CNTNAP4: variants seen among roughly 807,000 people sequenced by gnomAD.
CNTNAP4 encodes the protein contactin associated protein family member 4.
In CNTNAP4, 98 loss-of-function variants were observed where a neutral mutation model predicts 148.4. That is an observed-to-expected ratio of 0.66 (90% CI 0.56 to 0.78). The LOEUF (loss-of-function observed/expected upper bound fraction) is 0.78. Ranked by LOEUF, CNTNAP4 falls within the 30% of genes least tolerant of loss-of-function variation. The probability of loss-of-function intolerance (pLI) is 0.00; values close to 1 mark genes in which losing one functional copy is unlikely to be tolerated. For synonymous variants in CNTNAP4, 730 were observed against 565.1 expected (o/e 1.29, Z -4.14); for missense variants, 1,935 against 1,565.6 (o/e 1.24, Z -3.98).
At chr16:76,295,592 C>G (rs1352860956) in intron 1 of CNTNAP4, among the ~76,000 whole-genome samples, 2 of 151,966 alleles carry the variant, frequency 1.3e-5, no homozygotes, top group Non-Finnish European at 2.9e-5. Flanking sequence ...AAAACAGAGA[C>G]AGTGACAATG....
intron 3 of CNTNAP4, among the ~76,000 whole-genome samples, chr16:76,376,926 T>TGTGTGTGTGG (rs2015477742): frequency 2.7e-5 from 4 of 147,372 alleles, no homozygotes; most frequent in Admixed American, 2.2e-4. Flanking sequence ...TGTGTGTGTG[T>TGTGTGTGTGG]GTGTGTGTGT....
intron 1 of CNTNAP4, among the ~76,000 whole-genome samples, chr16:76,307,090 T>G (rs534934621): frequency 1.3e-5 from 2 of 152,108 alleles, no homozygotes; most frequent in Non-Finnish European, 2.9e-5. Context: ...AAGTACTTCA[T>G]TGAATAACAC....
At chr16:76,310,688 C>T (rs953357288) in intron 1 of CNTNAP4, among the ~76,000 whole-genome samples, 2 of 152,252 alleles carry the variant, frequency 1.3e-5, no homozygotes, top group Admixed American at 6.5e-5. Flanking sequence ...TTTTATGGGA[C>T]ATACGATTCA....
At chr16:76,407,385 T>G (rs890698728) in intron 3 of CNTNAP4, among the ~76,000 whole-genome samples, 8 of 151,852 alleles carry the variant, frequency 5.3e-5, no homozygotes, top group African/African-American at 1.9e-4. Flanking sequence ...CTCCAATTAA[T>G]CTGGGCAAAG....
chr16:76,501,087 T>C (rs1478223103), intron 15 of CNTNAP4, among the ~76,000 whole-genome samples: 1 of 152,208 alleles, frequency 6.6e-6, no homozygotes, highest in Non-Finnish European at 1.5e-5. Flanking sequence ...AAATTATATA[T>C]ACATTGTAAA....
At chr16:76,345,220 T>C (rs371876113) in intron 2 of CNTNAP4, among the ~76,000 whole-genome samples, 9 of 152,294 alleles carry the variant, frequency 5.9e-5, no homozygotes, top group East Asian at 1.9e-4. Context: ...TTGCCACTTA[T>C]CAGGAAGAAT....
At chr16:76,392,648 C>G (rs2078067883) in intron 3 of CNTNAP4, among the ~76,000 whole-genome samples, 2 of 152,180 alleles carry the variant, frequency 1.3e-5, no homozygotes, top group Non-Finnish European at 2.9e-5. Context: ...CAAGTACATA[C>G]TGTCATTCGG....
Position 76,380,504 on chromosome 16 carries a change from A to G in CNTNAP4, c.390+24993A>G, listed in dbSNP as rs542497581. ...TTATTAGAGCATTTTTGTATTCTCT[A>G]TTTTTTTTCTGCATTTTTCCCCATT... On this transcript the variant is annotated intron_variant, in intron 3 of 23. Coordinates refer to ENST00000611870, the MANE Select transcript of CNTNAP4 (RefSeq NM_033401.5). Among the ~76,000 whole-genome samples, 24 of 151,962 alleles carry G rather than the reference A, an allele frequency of 1.6e-4. 1 individual carries two copies. In the South Asian group the frequency reaches 4.8e-3, roughly 30 times the overall value.
Position 76,355,467 on chromosome 16 carries a change from A to G in CNTNAP4, c.346A>G (p.Ser116Gly), listed in dbSNP as rs2012470346. Residue 116 changes from serine to glycine, a missense_variant, in exon 3 of 24, where the codon AGT becomes GGT. Physicochemically the swap from Ser to Gly is moderately conservative, Grantham distance 56. Transcript: ENST00000611870. ...CAGCTACCTCCTGATGTTCAGTGAT[A>G]GTGGCTGGAACTGGAAACAATATCG... is the stretch of plus-strand genomic sequence containing the variant. The part of the protein sequence containing the change: ...VTSYLLMFSD[S>G]GWNWKQYRQE... 1.2e-6 allele frequency: 2 copies of G among 1,612,860 alleles called. No homozygotes were observed. The highest frequency in any genetic ancestry group is 1.7e-4 in the Middle Eastern group (1 of 6,050).
intron 3 of CNTNAP4, among the ~76,000 whole-genome samples, chr16:76,411,731 C>G (rs1376212445): frequency 6.6e-6 from 1 of 151,328 alleles, no homozygotes; most frequent in East Asian, 1.9e-4. Context: ...TCTTGATTGT[C>G]TTTGCTGAAC....
chr16:76,542,103 G>A (rs2084486920), intron 21 of CNTNAP4, among the ~76,000 whole-genome samples: 1 of 152,190 alleles, frequency 6.6e-6, no homozygotes, highest in Admixed American at 6.5e-5. Flanking sequence ...GCACTCTTAA[G>A]TCTGTGCACA....
chr16:76,550,670 A>G (rs528733203), intron 21 of CNTNAP4, among the ~76,000 whole-genome samples: 133 of 87,648 alleles, frequency 1.5e-3, no homozygotes, highest in African/African-American at 4.5e-3. Context: ...TTCTCATTAA[A>G]GTAAAAAGAA....
chr16:76,381,712 T>C (rs531995372), intron 3 of CNTNAP4, among the ~76,000 whole-genome samples: 36 of 152,306 alleles, frequency 2.4e-4, no homozygotes, highest in Middle Eastern at 6.8e-3. Flanking sequence ...TATGCACATA[T>C]ATTTACATAT....
intron 10 of CNTNAP4, among the ~76,000 whole-genome samples, chr16:76,474,571 C>G (rs1400175305): frequency 6.6e-6 from 1 of 152,060 alleles, no homozygotes; most frequent in Non-Finnish European, 1.5e-5. Flanking sequence ...GTAGAAACCC[C>G]ATCACAAATG....
At chr16:76,483,519 A>G (rs541695454) in intron 12 of CNTNAP4, among the ~76,000 whole-genome samples, 23 of 152,338 alleles carry the variant, frequency 1.5e-4, no homozygotes, top group African/African-American at 5.1e-4. Flanking sequence ...GGCCAAGAGC[A>G]CTGTAGCTCA....
intron 1 of CNTNAP4, among the ~76,000 whole-genome samples, chr16:76,280,607 G>A (rs1422895781): frequency 6.6e-6 from 1 of 152,042 alleles, no homozygotes; most frequent in Non-Finnish European, 1.5e-5. Context: ...CATTTCAAAA[G>A]CAGTGGACTA....
At chr16:76,327,159 A>C (rs1429010756) in intron 2 of CNTNAP4, among the ~76,000 whole-genome samples, 4 of 152,162 alleles carry the variant, frequency 2.6e-5, no homozygotes, top group African/African-American at 9.7e-5. Flanking sequence ...TCACCCAGGT[A>C]GTGAGCATAG....
At chr16:76,557,225 C>T (rs1430410924) in intron 23 of CNTNAP4, among the ~76,000 whole-genome samples, 1 of 152,160 alleles carries the variant, frequency 6.6e-6, no homozygotes, top group Non-Finnish European at 1.5e-5. Context: ...TTATCTTTCA[C>T]AACATATGCT....
At chr16:76,553,947 T>C (rs1462849771) in intron 23 of CNTNAP4, 40 bp downstream of exon 23, 1 of 1,228,848 alleles carries the variant, frequency 8.1e-7, no homozygotes, top group Admixed American at 1.8e-5. Context: ...TGGTTGTTCT[T>C]ATTAATAATG....
Sources: gnomAD v4.1 joint callset for allele counts (sites outside exome capture counted in the v4.1 genomes callset) on GRCh38, gnomAD v4.1.1 for gene constraint, MANE v1.5 for transcripts, NCBI Gene and HGNC (gene_info 2026-07-23, HGNC 2026-07-21) for gene names.